Variants in RBFOX1 observed in about 807,000 individuals in gnomAD.
The protein encoded by RBFOX1 is RNA binding fox-1 homolog 1, also known as RNA binding protein fox-1 homolog 1.
RBFOX1 carries 8 observed loss-of-function variants against 57.7 expected under a neutral mutation model. The ratio of observed to expected loss-of-function variants is 0.14; its 90% CI spans 0.08 to 0.25. The LOEUF (loss-of-function observed/expected upper bound fraction) is 0.25, where lower values mean the gene tolerates loss of function less well. Among genes scored for constraint, RBFOX1 ranks in the 10% least tolerant of loss-of-function variants. The pLI is 1.00. For synonymous variants in RBFOX1, 326 were observed against 222.4 expected (o/e 1.47, Z -4.15); for missense variants, 611 against 548.5 (o/e 1.11, Z -1.14).
chr16:6,611,857 C>T, intron 2 of RBFOX1, among the ~76,000 whole-genome samples: 1 of 152,042 alleles, frequency 6.6e-6, no homozygotes. Context: ...GGGCAGTGTC[C>T]ACCATGGCAC....
chr16:7,242,982 C>T (rs1056842806), intron 4 of RBFOX1, among the ~76,000 whole-genome samples: 1 of 152,152 alleles, frequency 6.6e-6, no homozygotes. Context: ...TTCTCTTCCT[C>T]CTCCTCCTCT....
chr16:5,496,486 T>TAGAGA (rs1429543776), intron 2 of RBFOX1, among the ~76,000 whole-genome samples: 5 of 152,162 alleles, frequency 3.3e-5, no homozygotes, highest in Non-Finnish European at 5.9e-5. Flanking sequence ...GTGGTCTCTC[T>TAGAGA]AGTCACATCT....
intron 2 of RBFOX1, among the ~76,000 whole-genome samples, chr16:5,536,690 T>G (rs1354901028): frequency 1.3e-5 from 2 of 151,760 alleles, no homozygotes; most frequent in Non-Finnish European, 2.9e-5. Context: ...GGAGTTTATA[T>G]AGCAGAGAAG....
At chr16:7,157,893 C>G (rs1455085932) in intron 4 of RBFOX1, among the ~76,000 whole-genome samples, 2 of 152,136 alleles carry the variant, frequency 1.3e-5, no homozygotes, top group African/African-American at 2.4e-5. Flanking sequence ...CACTTTGACC[C>G]ATTGGTAGAG....
At chr16:7,237,377 C>A (rs1020844138) in intron 4 of RBFOX1, among the ~76,000 whole-genome samples, 2 of 152,156 alleles carry the variant, frequency 1.3e-5, no homozygotes, top group South Asian at 2.1e-4. Context: ...TCTGTACATA[C>A]AATAATAATT....
chr16:5,973,683 A>G (rs947971968), intron 4 of RBFOX1, among the ~76,000 whole-genome samples: 1 of 152,226 alleles, frequency 6.6e-6, no homozygotes, highest in Non-Finnish European at 1.5e-5. Flanking sequence ...TCACATTTAT[A>G]TCAGTAGACT....
intron 3 of RBFOX1, among the ~76,000 whole-genome samples, chr16:6,788,456 A>T (rs1312224133): frequency 6.7e-6 from 1 of 149,986 alleles, no homozygotes; most frequent in East Asian, 2.0e-4. Context: ...TTTTTTTTTT[A>T]TTATTATTTA....
intron 3 of RBFOX1, among the ~76,000 whole-genome samples, chr16:6,898,757 A>T (rs1404807776): frequency 1.3e-5 from 2 of 151,982 alleles, no homozygotes; most frequent in Non-Finnish European, 1.5e-5. Context: ...CATATATATA[A>T]TACGTGTATG....
At chr16:7,299,828 C>G (rs919514316) in intron 4 of RBFOX1, among the ~76,000 whole-genome samples, 1 of 152,194 alleles carries the variant, frequency 6.6e-6, no homozygotes, top group African/African-American at 2.4e-5. Context: ...ACATGCTCCT[C>G]AGTTTACAAT....
At chr16:5,395,533 G>C (rs1480460672) in intron 1 of RBFOX1, among the ~76,000 whole-genome samples, 12 of 152,092 alleles carry the variant, frequency 7.9e-5, no homozygotes, top group Admixed American at 7.9e-4. Flanking sequence ...TACTCTTTAG[G>C]TTTTCTAGCC....
At chr16:6,280,111 C>G (rs972986941) in intron 1 of RBFOX1, among the ~76,000 whole-genome samples, 5 of 151,986 alleles carry the variant, frequency 3.3e-5, no homozygotes, top group African/African-American at 9.7e-5. Flanking sequence ...GGGGGATACC[C>G]TGAATCTTGC....
At chr16:7,497,343 A>G (rs903993940) in intron 4 of RBFOX1, among the ~76,000 whole-genome samples, 3 of 151,870 alleles carry the variant, frequency 2.0e-5, no homozygotes, top group African/African-American at 7.3e-5. Context: ...TTGAATTTGC[A>G]CCTAACTCAC....
At chr16:5,639,549 G>A (rs556568205) in intron 3 of RBFOX1, among the ~76,000 whole-genome samples, 277 of 152,244 alleles carry the variant, frequency 1.8e-3, no homozygotes, top group African/African-American at 6.5e-3. Context: ...CCTTTTAGAG[G>A]GAGCAAGAAG....
At chr16:7,156,586 CAG>C (rs2077199611) in intron 4 of RBFOX1, among the ~76,000 whole-genome samples, 2 of 151,812 alleles carry the variant, frequency 1.3e-5, no homozygotes, top group South Asian at 4.2e-4. Context: ...CATTTGCATG[CAG>C]ATATACATAT....
intron 3 of RBFOX1, among the ~76,000 whole-genome samples, chr16:5,736,855 C>T (rs1477193156): frequency 3.4e-5 from 5 of 147,182 alleles, no homozygotes; most frequent in Admixed American, 2.0e-4. Flanking sequence ...CTCTTTCCCC[C>T]CTTCTCTTTC....
intron 4 of RBFOX1, among the ~76,000 whole-genome samples, chr16:7,297,854 C>G (rs970368036): frequency 2.6e-4 from 39 of 151,816 alleles, no homozygotes; most frequent in African/African-American, 9.0e-4. Flanking sequence ...TACCCTAGAT[C>G]TAAAAGCATT....
intron 4 of RBFOX1, among the ~76,000 whole-genome samples, chr16:7,183,906 G>C (rs572159430): frequency 6.6e-6 from 1 of 152,140 alleles, no homozygotes; most frequent in African/African-American, 2.4e-5. Context: ...AGTTTAAAGG[G>C]GATAGATGGG....
At chr16:6,637,972 C>T (rs556447143) in intron 2 of RBFOX1, among the ~76,000 whole-genome samples, 1 of 152,192 alleles carries the variant, frequency 6.6e-6, no homozygotes, top group African/African-American at 2.4e-5. Flanking sequence ...TCATAATTTT[C>T]AACACCCAAC....
intron 13 of RBFOX1, chr16:7,671,558 G>A: frequency 6.2e-7 from 1 of 1,609,482 alleles, no homozygotes; most frequent in Non-Finnish European, 8.5e-7. Context: ...TCCTTATAGA[G>A]TAGTGTATCA....
Sources: allele counts gnomAD v4.1 joint callset (sites outside exome capture counted in the v4.1 genomes callset), GRCh38; gene constraint gnomAD v4.1.1; transcripts MANE v1.5; gene names NCBI Gene and HGNC (gene_info 2026-07-23, HGNC 2026-07-21).